The following VWCE variants were observed in gnomAD, a reference collection of about 807,000 sequenced individuals.
VWCE encodes the protein von Willebrand factor C and EGF domain-containing protein.
Under a neutral mutation model 102.9 loss-of-function variants are expected in VWCE, and 68 were observed. That is an observed-to-expected ratio of 0.66 (90% CI 0.54 to 0.81). The LOEUF (loss-of-function observed/expected upper bound fraction) is 0.81. Ranked by LOEUF, VWCE falls within the 30% of genes least tolerant of loss-of-function variation. VWCE has a pLI of 0.00. For synonymous variants in VWCE, 497 were observed against 515.4 expected, an observed-to-expected ratio of 0.96 and a Z score of 0.48; for missense variants, 1,137 against 1,263.6, an observed-to-expected ratio of 0.90 and a Z score of 1.52.
At chr11:61,279,724 C>T (rs568047210) in intron 9 of VWCE, among the ~76,000 whole-genome samples, 13 of 152,044 alleles carry the variant, frequency 8.6e-5, no homozygotes, top group African/African-American at 2.9e-4. Flanking sequence ...TGAGAATCTG[C>T]TTTTTTTCTT....
intron 19 of VWCE, among the ~76,000 whole-genome samples, chr11:61,262,335 GAGAGACCT>G (rs777317229): frequency 1.3e-5 from 2 of 152,190 alleles, no homozygotes. Flanking sequence ...TAGGAAATAA[GAGAGACCT>G]AGGCTTAAGT....
chr11:61,260,437 C>T (rs1854319505), intron 19 of VWCE, among the ~76,000 whole-genome samples: 1 of 151,672 alleles, frequency 6.6e-6, no homozygotes, highest in Non-Finnish European at 1.5e-5. Flanking sequence ...CCACACCTGG[C>T]ATTCTGTTCT....
At chr11:61,260,734 G>A (rs1488879639) in intron 19 of VWCE, among the ~76,000 whole-genome samples, 2 of 152,046 alleles carry the variant, frequency 1.3e-5, no homozygotes, top group African/African-American at 4.8e-5. Context: ...ATAAAGTGCT[G>A]AATATCCATG....
intron 5 of VWCE, among the ~76,000 whole-genome samples, chr11:61,283,473 G>A (rs1464903550): frequency 3.9e-5 from 6 of 152,124 alleles, no homozygotes; most frequent in South Asian, 2.1e-4. Flanking sequence ...GTACAATGGC[G>A]CGATCTCAGC....
rs770815642 is a variant in VWCE, at chr11:61,294,147, G to A, written c.110+781C>T. 6.6e-6 allele frequency among the ~76,000 whole-genome samples: 1 copy of A among 152,186 alleles called. No individual in the cohort carries two copies. The highest frequency in any genetic ancestry group is 1.5e-5 in the Non-Finnish European group (1 of 68,030). On this transcript the variant is annotated intron_variant, in intron 1 of 19. Transcript: ENST00000335613. The surrounding 1 kb of genome is among the most constrained non-coding windows in gnomAD (Gnocchi z 6.3). ...GAGCCTCCTAGGGCTGGTGACAGAG[G>A]GACAGGTGGTGGGAGCCTGTGGAAC...
chr11:61,264,082 C>T (rs1171059241), intron 19 of VWCE, among the ~76,000 whole-genome samples: 1 of 151,736 alleles, frequency 6.6e-6, no homozygotes, highest in African/African-American at 2.4e-5. Context: ...AAAAATTAGC[C>T]AGGCGTAGTG....
chr11:61,290,761 T>TC, intron 4 of VWCE, 38 bp downstream of exon 4: 1 of 1,569,504 alleles, frequency 6.4e-7, no homozygotes, highest in Non-Finnish European at 8.7e-7. Context: ...ATTCCCGCTG[T>TC]CCCCCTCCCC....
At chr11:61,278,553 A>G (rs2134800294) in intron 9 of VWCE, 77 bp from the exon 10 acceptor site, 1 of 1,344,260 alleles carries the variant, frequency 7.4e-7, no homozygotes, top group Middle Eastern at 1.8e-4. Context: ...CTGCTTCTCC[A>G]TGCTTAATGT....
chr11:61,274,392 C>G, intron 12 of VWCE, 107 bp downstream of exon 12: 1 of 1,057,194 alleles, frequency 9.5e-7, no homozygotes, highest in Non-Finnish European at 1.4e-6. Context: ...TTCCCTGTTG[C>G]TGTATGACAA....
rs1381332541 is a variant in VWCE, at chr11:61,280,714, C to T, written c.1234G>A (p.Gly412Arg). 1.2e-6 allele frequency: 2 copies of T among 1,613,934 alleles called. No individual in the cohort carries two copies. The highest frequency in any genetic ancestry group is 8.5e-7 in the Non-Finnish European group (1 of 1,180,002). The change falls in exon 9 of 20, where the codon GGG becomes AGG. Residue 412 changes from glycine to arginine, a missense_variant. By Grantham distance (125) the Gly-to-Arg change is moderately radical. This residue lies in a region of VWCE where 575 missense variants were observed against 625.9 expected (regional missense o/e 0.92). Coordinates refer to ENST00000335613, the MANE Select transcript of VWCE (RefSeq NM_152718.2). ...CTCACCTTTTCACAGGTCACCTTCC[C>T]GTCCTAGAAGCACAAGCAGGAGTTA... ...PGCSQCWCED[G>R]KVTCEKVRCE...
chr11:61,282,324 G>T (rs1416342216), intron 6 of VWCE, among the ~76,000 whole-genome samples: 1 of 152,164 alleles, frequency 6.6e-6, no homozygotes, highest in African/African-American at 2.4e-5. Context: ...CTAGAACAAG[G>T]TCTTTTTTCA....
intron 13 of VWCE, among the ~76,000 whole-genome samples, chr11:61,271,969 A>G (rs905737598): frequency 7.2e-5 from 11 of 152,196 alleles, no homozygotes; most frequent in African/African-American, 2.7e-4. Context: ...ACACTTAAAT[A>G]TACATGTACA....
intron 9 of VWCE, among the ~76,000 whole-genome samples, chr11:61,278,940 G>A (rs1044299019): frequency 1.6e-4 from 25 of 152,080 alleles, no homozygotes; most frequent in African/African-American, 5.8e-4. Flanking sequence ...TCGGGAGGCT[G>A]AAGCAGGAGA....
chr11:61,280,917 G>A lies in VWCE; in HGVS notation c.1106C>T (p.Ser369Phe), dbSNP rs1399613451. 6 of 1,527,196 alleles carry A rather than the reference G, an allele frequency of 3.9e-6. No homozygotes were observed. The highest frequency in any genetic ancestry group is 1.3e-5 in the South Asian group (1 of 76,236). 94.6% of individuals were successfully genotyped at this position (1,527,196 alleles called of 1,614,324 possible). A position where few individuals can be genotyped will look rare whatever the true frequency, so the allele number is the denominator to read the frequency against. Residue 369 changes from serine to phenylalanine, a missense_variant, in exon 8 of 20, where the codon TCC (serine) becomes TTC (phenylalanine). Around this residue, in one of 5 missense-constraint regions of VWCE, gnomAD observed 575 missense variants for 625.9 expected, o/e 0.92. Transcript: ENST00000335613. ...LLQGEVMGTP[S>F]SPRGPESPRL... ...GGGGGACTCAGGGCCCCTGGGTGAG[G>A]AAGGGGTCCCCATCACCTCCCCCTG...
In VWCE at chr11:61,264,959, G is replaced by A. The variant is rs1238255109; in HGVS notation, c.2136C>T (p.Cys712=). Reference sequence around the variant, plus strand: ...TGGGTTCCCAGGCCCAGCTCACCTGGCACGTGCACCGGGTGCAGGGTTCAT... The same window carrying A: ...TGGGTTCCCAGGCCCAGCTCACCTGACACGTGCACCGGGTGCAGGGTTCAT... ...LDDEPCTRCT[C]QLGEVSCEKV... is the part of the protein sequence containing the mutation. The change falls in exon 18 of 20, where the codon TGC becomes TGT. Residue 712 remains cysteine, a synonymous_variant. Transcript: ENST00000335613. 6.2e-7 allele frequency: 1 copy of A among 1,613,672 alleles called. No homozygotes were observed. The highest frequency in any genetic ancestry group is 1.3e-5 in the African/African-American group (1 of 75,070).
Position 61,258,788 on chromosome 11 carries a change from G to A in VWCE, c.2755C>T (p.Arg919Cys), listed in dbSNP as rs927814868. 1.2e-5 allele frequency: 18 copies of A among 1,495,628 alleles called. No individual in the cohort carries two copies. Among genetic ancestry groups the A allele is most frequent in the Non-Finnish European group, 1.6e-5 (18 of 1,123,454 alleles). The allele number at this position is 1,495,628 out of a possible 1,614,324, so 92.6% of individuals were successfully genotyped here. ...SKTPITLLGP[R>C]VLSPTTSRLS... ...CTAGAGGTGGTGGGAGAAAGCACGC[G>A]AGGCCCGAGGAGGGTGATGGGGGTC... Residue 919 changes from arginine to cysteine, a missense_variant, in exon 20 of 20, where the codon CGC becomes TGC. Transcript: ENST00000335613.
At chr11:61,270,825 CTTTTT>C (rs1243630767) in intron 14 of VWCE, among the ~76,000 whole-genome samples, 1 of 134,250 alleles carries the variant, frequency 7.4e-6, no homozygotes, top group Admixed American at 7.5e-5. Context: ...GTTACACACA[CTTTTT>C]TTTTTTTTTT....
Position 61,295,203 on chromosome 11 carries a change from G to T in VWCE, c.-166C>A, listed in dbSNP as rs1014112921. On this transcript the variant is annotated 5_prime_UTR_variant, in exon 1 of 20. Transcript: ENST00000335613. This position sits in a 1 kb window ranked among gnomAD's most constrained non-coding sequence, Gnocchi z 4.6. ...GGGGGCTTGGGACGCCGAGAGGAGG[G>T]GCCGAGGGCCGCGAGGGGACGCGGC... 7 of 403,798 alleles carry T rather than the reference G, an allele frequency of 1.7e-5. No homozygotes were observed. In the East Asian group the frequency reaches 2.6e-4, roughly 15 times the overall value. The allele number at this position is 403,798 out of a possible 1,614,324, so 25.0% of individuals were successfully genotyped here. A position where few individuals can be genotyped will look rare whatever the true frequency, so the allele number is the denominator to read the frequency against.
At chr11:61,274,053 C>G (rs748579654) in intron 12 of VWCE, among the ~76,000 whole-genome samples, 1 of 152,136 alleles carries the variant, frequency 6.6e-6, no homozygotes, top group Non-Finnish European at 1.5e-5. Flanking sequence ...CTGCCTGACT[C>G]TCTCCATGCT....
Sources: gnomAD v4.1 joint callset for allele counts (sites outside exome capture counted in the v4.1 genomes callset) on GRCh38, gnomAD v4.1.1 for gene constraint, gnomAD v4.1.1 regional missense constraint, Gnocchi (gnomAD v3.1) non-coding constraint, MANE v1.5 for transcripts, NCBI Gene and HGNC (gene_info 2026-07-23, HGNC 2026-07-21) for gene names.